Variants in HERC1 observed in about 807,000 individuals in gnomAD.
The protein encoded by HERC1 is HECT and RLD domain containing E3 ubiquitin protein ligase family member 1.
In HERC1, 160 loss-of-function variants were observed where a neutral mutation model predicts 554.3. The ratio of observed to expected loss-of-function variants is 0.29; its 90% CI spans 0.25 to 0.33. The LOEUF (loss-of-function observed/expected upper bound fraction) is 0.33. Among genes scored for constraint, HERC1 ranks in the 10% least tolerant of loss-of-function variants. The pLI is 1.00. For missense variants in HERC1, 4,919 were observed against 5,918.5 expected (o/e 0.83, Z 5.54); for synonymous variants, 2,175 against 2,131.7 (o/e 1.02, Z -0.56).
At chr15:63,679,430 G>C (rs752026131) in intron 36 of HERC1, among the ~76,000 whole-genome samples, 48 of 152,128 alleles carry the variant, frequency 3.2e-4, no homozygotes, top group Non-Finnish European at 5.9e-4. Flanking sequence ...TATTATACAT[G>C]ATAAAACCTG....
chr15:63,786,750 A>G (rs1055926959), intron 1 of HERC1, among the ~76,000 whole-genome samples: 23 of 152,154 alleles, frequency 1.5e-4, no homozygotes, highest in African/African-American at 5.3e-4. Flanking sequence ...CAGAGGCTGG[A>G]GAGGAAGGGA....
intron 1 of HERC1, among the ~76,000 whole-genome samples, chr15:63,804,541 G>A (rs1229001782): frequency 3.3e-5 from 5 of 151,266 alleles, no homozygotes; most frequent in Admixed American, 6.6e-5. Flanking sequence ...AGCCGAGATC[G>A]TACCATTGCA....
At chr15:63,781,866 T>C (rs901623169) in intron 1 of HERC1, among the ~76,000 whole-genome samples, 56 of 152,324 alleles carry the variant, frequency 3.7e-4, no homozygotes, top group African/African-American at 1.3e-3. Flanking sequence ...TGAAATCGCC[T>C]TTTTCCTGAT....
At chr15:63,632,598 C>G in intron 68 of HERC1, 111 bp downstream of exon 68, 1 of 734,162 alleles carries the variant, frequency 1.4e-6, no homozygotes, top group Non-Finnish European at 2.4e-6. Context: ...ATAGTGACTA[C>G]TCACCACCTA....
intron 71 of HERC1, 49 bp from the exon 72 acceptor site, chr15:63,624,376 A>G: frequency 6.7e-7 from 1 of 1,484,032 alleles, no homozygotes. Context: ...TAGGCTTAAA[A>G]GAAATAACAA....
In HERC1 at chr15:63,775,841, G is replaced by A. The variant is rs558840115; in HGVS notation, c.-26-192C>T. ...TCACTTGAGGCCAGGAGTTCAAGACGAGCCTGGCCAACATTATGAAACCCC... is the reference window on the plus strand; with the variant it reads ...TCACTTGAGGCCAGGAGTTCAAGACAAGCCTGGCCAACATTATGAAACCCC... On this transcript the variant is annotated intron_variant, in intron 1 of 77. Coordinates refer to ENST00000443617, the MANE Select transcript of HERC1 (RefSeq NM_003922.4). This position sits in a 1 kb window ranked among gnomAD's most constrained non-coding sequence, Gnocchi z 4.0. 2.6e-5 allele frequency among the ~76,000 whole-genome samples: 4 copies of A among 152,006 alleles called. No homozygotes were observed. The highest frequency in any genetic ancestry group is 2.1e-4 in the South Asian group (1 of 4,818).
chr15:63,616,183 C>G (rs2067808558), intron 75 of HERC1, among the ~76,000 whole-genome samples: 1 of 152,090 alleles, frequency 6.6e-6, no homozygotes, highest in African/African-American at 2.4e-5. Flanking sequence ...CCCCTTCCAC[C>G]TTGGTTCTTC....
chr15:63,698,883 T>C lies in HERC1; in HGVS notation c.4750A>G (p.Lys1584Glu), dbSNP rs763679077. 6.2e-7 allele frequency: 1 copy of C among 1,613,868 alleles called. No individual in the cohort carries two copies. The highest frequency in any genetic ancestry group is 8.5e-7 in the Non-Finnish European group (1 of 1,179,872). ...ATCAAAGTGTGAACTCCCAAAGACT[T>C]GGTAAGATCAAAATCTGACTCAAAG... ...YSFESDFDLTKSLGVHTLIEN... is the reference protein window; with the variant it reads ...YSFESDFDLTESLGVHTLIEN... The change falls in exon 26 of 78, where the codon AAG becomes GAG. Residue 1584 changes from lysine to glutamate, a missense_variant. Physicochemically the swap from Lys to Glu is moderately conservative, Grantham distance 56. Around this residue, in one of 11 missense-constraint regions of HERC1, gnomAD observed 1,121 missense variants for 1,244.0 expected, o/e 0.90. Transcript: ENST00000443617.
chr15:63,829,561 G>GTGTGTGTGTATATATATATA (rs1220043639), intron 1 of HERC1, among the ~76,000 whole-genome samples: 7 of 81,758 alleles, frequency 8.6e-5, no homozygotes, highest in African/African-American at 2.1e-4. Context: ...GTGTGTGTGT[G>GTGTGTGTGTATATATATATA]TATATATATA....
chr15:63,662,100 A>G lies in HERC1; in HGVS notation c.8902-79T>C. On this transcript the variant is annotated intron_variant, in intron 44 of 77. Transcript: ENST00000443617. ...AAGTACCAAGTAGATTATTTATATT[A>G]AATTACTTTATTACATATGCTAGAA... 3.0e-6 allele frequency: 4 copies of G among 1,346,022 alleles called. No homozygotes were observed. The South Asian group carries it at 4.4e-5, about 15-fold the overall frequency. The allele number at this position is 1,346,022 out of a possible 1,614,324, so 83.4% of individuals were successfully genotyped here.
intron 21 of HERC1, among the ~76,000 whole-genome samples, chr15:63,717,613 G>T (rs553735314): frequency 2.0e-4 from 30 of 152,250 alleles, no homozygotes; most frequent in African/African-American, 7.2e-4. Context: ...TAGCATTTTG[G>T]GAGGCCGAGG....
intron 1 of HERC1, among the ~76,000 whole-genome samples, chr15:63,818,687 T>C (rs1490747358): frequency 6.6e-6 from 1 of 152,198 alleles, no homozygotes; most frequent in Non-Finnish European, 1.5e-5. Context: ...CCAATTTAAA[T>C]TAACCAAAGT....
In HERC1 at chr15:63,686,070, T is replaced by C. The variant is rs578111292; in HGVS notation, c.6225+289A>G. On this transcript the variant is annotated intron_variant, in intron 34 of 77. Transcript: ENST00000443617. ...CATCACACGCTTTGCTTCATTTTCATTGCTAGAAGAAAATGTGTTCTGTGT... is the reference window on the plus strand; with the variant it reads ...CATCACACGCTTTGCTTCATTTTCACTGCTAGAAGAAAATGTGTTCTGTGT... Among the ~76,000 whole-genome samples the C allele has an allele frequency of 9.8e-5, 15 of 152,312 alleles. 1 individual carries two copies. The highest frequency in any genetic ancestry group is 3.6e-4 in the African/African-American group (15 of 41,566).
intron 3 of HERC1, among the ~76,000 whole-genome samples, chr15:63,763,032 C>A (rs531804097): frequency 6.6e-6 from 1 of 152,196 alleles, no homozygotes; most frequent in Non-Finnish European, 1.5e-5. Flanking sequence ...CCACCTATTT[C>A]TTTGTTGGAT....
chr15:63,754,677 AAAC>A, intron 6 of HERC1, 29 bp from the exon 7 acceptor site: 3 of 1,599,280 alleles, frequency 1.9e-6, no homozygotes, highest in African/African-American at 1.3e-5. Context: ...AACAACAAAG[AAAC>A]AACATTAACT....
Position 63,640,328 on chromosome 15 carries a change from G to A in HERC1, c.11725C>T (p.His3909Tyr). ...LLCNPPVPPH[H>Y]QNCLPDPASW... Reference sequence around the variant, plus strand: ...GCAGGGTCAGGGAGACAGTTCTGGTGGTGTGGTGGCACTGGAGGGTTACAC... The same window carrying A: ...GCAGGGTCAGGGAGACAGTTCTGGTAGTGTGGTGGCACTGGAGGGTTACAC... Residue 3909 changes from histidine to tyrosine, a missense_variant, in exon 61 of 78, where the codon CAC (histidine) becomes TAC (tyrosine). Physicochemically the swap from His to Tyr is moderately conservative, Grantham distance 83. This residue lies in a region of HERC1 where 1,963 missense variants were observed against 2,228.6 expected (regional missense o/e 0.88). Coordinates refer to ENST00000443617, the MANE Select transcript of HERC1 (RefSeq NM_003922.4). 3 of 1,613,864 alleles carry A rather than the reference G, an allele frequency of 1.9e-6. No homozygotes were observed. Among genetic ancestry groups the A allele is most frequent in the Non-Finnish European group, 2.5e-6 (3 of 1,179,792 alleles).
chr15:63,662,086 AGATT>A (rs1373916293), intron 44 of HERC1, 65 bp from the exon 45 acceptor site: 8 of 1,443,728 alleles, frequency 5.5e-6, no homozygotes, highest in Non-Finnish European at 6.6e-6. Flanking sequence ...AGTACCAAGT[AGATT>A]ATTTATATTA....
chr15:63,801,121 T>C (rs956774307), intron 1 of HERC1, among the ~76,000 whole-genome samples: 2 of 152,180 alleles, frequency 1.3e-5, no homozygotes, highest in African/African-American at 4.8e-5. Flanking sequence ...TCCATGCCCC[T>C]ACCCCCTGTA....
chr15:63,645,751 T>C (rs533888304), intron 55 of HERC1, 69 bp from the exon 56 acceptor site: 4 of 840,286 alleles, frequency 4.8e-6, no homozygotes, highest in African/African-American at 1.7e-5. Context: ...AATTCAGTAA[T>C]ACATAACTTA....
Sources: allele counts gnomAD v4.1 joint callset (sites outside exome capture counted in the v4.1 genomes callset), GRCh38; gene constraint gnomAD v4.1.1; regional missense constraint gnomAD v4.1.1; non-coding constraint Gnocchi (gnomAD v3.1); transcripts MANE v1.5; gene names NCBI Gene and HGNC (gene_info 2026-07-23, HGNC 2026-07-21).